The following HDAC4 variants were observed in gnomAD, a reference collection of about 807,000 sequenced individuals.
HDAC4 encodes the protein histone deacetylase 4.
HDAC4 carries 16 observed loss-of-function variants against 135.1 expected under a neutral mutation model. That is an observed-to-expected ratio of 0.12 (90% CI 0.08 to 0.18). The LOEUF (loss-of-function observed/expected upper bound fraction) is 0.18. Among genes scored for constraint, HDAC4 ranks in the 10% least tolerant of loss-of-function variants. HDAC4 has a pLI of 1.00. For synonymous variants in HDAC4, 685 were observed against 653.4 expected (o/e 1.05, Z -0.74); for missense variants, 1,143 against 1,511.8 (o/e 0.76, Z 4.05).
intron 24 of HDAC4, among the ~76,000 whole-genome samples, chr2:239,056,050 C>G (rs576672607): frequency 1.3e-5 from 2 of 152,220 alleles, no homozygotes; most frequent in South Asian, 2.1e-4. Context: ...TGAGAATTTG[C>G]CTGCTTCTAG....
At chr2:239,253,129 AC>A (rs2124990975) in intron 2 of HDAC4, among the ~76,000 whole-genome samples, 1 of 152,380 alleles carries the variant, frequency 6.6e-6, no homozygotes, top group South Asian at 2.1e-4. Flanking sequence ...AGTCTCGGGA[AC>A]AAATCCACTT....
intron 22 of HDAC4, among the ~76,000 whole-genome samples, chr2:239,073,200 T>G (rs1247007940): frequency 6.6e-6 from 1 of 152,222 alleles, no homozygotes; most frequent in East Asian, 1.9e-4. Context: ...CTGGGTGGCT[T>G]CTGAGCAGTC....
chr2:239,179,369 G>A (rs2153009521), intron 4 of HDAC4, among the ~76,000 whole-genome samples: 1 of 152,334 alleles, frequency 6.6e-6, no homozygotes, highest in African/African-American at 2.4e-5. Context: ...GCAGGCTAGG[G>A]AGCATTCCCG....
rs2043161300 is a variant in HDAC4 at position 239,167,081 on chromosome 2, C to T, written c.491-3158G>A. 2.0e-5 allele frequency among the ~76,000 whole-genome samples: 3 copies of T among 151,402 alleles called. No individual in the cohort carries two copies. The highest frequency in any genetic ancestry group is 4.4e-5 in the Non-Finnish European group (3 of 67,922). ...TGCCCTGCAGGTCCCCCTACATGGC[C>T]GTCCTTGAGTGGAGGCAGCAGAGCA... On this transcript the variant is annotated intron_variant, in intron 5 of 26. Transcript: ENST00000543185. This position sits in a 1 kb window ranked among gnomAD's most constrained non-coding sequence, Gnocchi z 4.1.
At chr2:239,187,570 G>A (rs1257865306) in intron 4 of HDAC4, among the ~76,000 whole-genome samples, 1 of 152,182 alleles carries the variant, frequency 6.6e-6, no homozygotes, top group Non-Finnish European at 1.5e-5. Context: ...TCTTCTCCCA[G>A]GCCAGAAAAA....
At chr2:239,099,081 C>T (rs1424342445) in intron 16 of HDAC4, among the ~76,000 whole-genome samples, 2 of 152,204 alleles carry the variant, frequency 1.3e-5, no homozygotes, top group African/African-American at 4.8e-5. Context: ...AGGGGTCTTC[C>T]TTTTTGATCA....
chr2:239,063,528 G>A (rs1228216589), intron 24 of HDAC4, among the ~76,000 whole-genome samples: 2 of 152,204 alleles, frequency 1.3e-5, no homozygotes, highest in African/African-American at 4.8e-5. Flanking sequence ...AGGCAGCACT[G>A]TCAGCTGTCG....
rs563088626 is a variant in HDAC4, at chr2:239,049,048, C to T, written c.*4049G>A. ...AAAACAAAATTCCTCCAAATCAACT[C>T]GAGAGAGACAGGCAGTTCACTGTGA... On this transcript the variant is annotated 3_prime_UTR_variant, in exon 27 of 27. Coordinates refer to ENST00000543185, the MANE Select transcript of HDAC4 (RefSeq NM_001378414.1). 4 of 152,346 alleles carry T rather than the reference C, an allele frequency of 2.6e-5. No individual in the cohort carries two copies. In the South Asian group the frequency reaches 6.2e-4, roughly 24 times the overall value. The allele number at this position is 152,346 out of a possible 1,614,324, so 9.4% of individuals were successfully genotyped here.
rs566185552 is a variant in HDAC4, at chr2:239,142,346, C to T, written c.865+2237G>A. On this transcript the variant is annotated intron_variant, in intron 8 of 26. Transcript: ENST00000543185. ...TCCACTCCTCCGTGTGGGACCACCC[C>T]GCCTAGAACTCCTAATACCTGTCTT... Among the ~76,000 whole-genome samples the T allele has an allele frequency of 1.8e-3, 274 of 152,294 alleles. 2 individuals are homozygous for T. Among genetic ancestry groups the T allele is most frequent in the African/African-American group, 6.3e-3 (260 of 41,554 alleles).
intron 2 of HDAC4, among the ~76,000 whole-genome samples, chr2:239,314,825 C>G (rs1407022626): frequency 6.6e-6 from 1 of 152,130 alleles, no homozygotes; most frequent in African/African-American, 2.4e-5. Flanking sequence ...ATTCTAAGCT[C>G]CCAACCATCT....
chr2:239,081,286 G>C, intron 21 of HDAC4, 94 bp from the exon 22 acceptor site: 1 of 992,954 alleles, frequency 1.0e-6, no homozygotes, highest in South Asian at 1.4e-5. Flanking sequence ...GATGGGCTCG[G>C]CCTTGGTGGG....
chr2:239,107,199 T>C (rs2038222395), intron 15 of HDAC4, among the ~76,000 whole-genome samples: 1 of 152,234 alleles, frequency 6.6e-6, no homozygotes, highest in African/African-American at 2.4e-5. Context: ...GAGCACCAGC[T>C]GGGACAGCCT....
intron 23 of HDAC4, among the ~76,000 whole-genome samples, chr2:239,067,509 G>C (rs1013677559): frequency 1.3e-5 from 2 of 152,266 alleles, no homozygotes; most frequent in Admixed American, 1.3e-4. Context: ...CCATCTGATG[G>C]AAACAGTGAC....
chr2:239,290,692 A>ACACACACGCACG (rs2051424645), intron 2 of HDAC4, among the ~76,000 whole-genome samples: 1 of 151,946 alleles, frequency 6.6e-6, no homozygotes, highest in South Asian at 2.1e-4. Context: ...ACGCGCATGC[A>ACACACACGCACG]CACACACGCA....
intron 1 of HDAC4, among the ~76,000 whole-genome samples, chr2:239,374,135 C>A (rs549202140): frequency 1.3e-5 from 2 of 152,322 alleles, no homozygotes; most frequent in South Asian, 4.1e-4. Context: ...GGATGCAAAG[C>A]AGAGGCGATC....
chr2:239,140,690 A>G (rs1380755105), intron 8 of HDAC4, among the ~76,000 whole-genome samples: 2 of 152,130 alleles, frequency 1.3e-5, no homozygotes, highest in Non-Finnish European at 2.9e-5. Flanking sequence ...GCCCCAACCT[A>G]TATGCGCAGC....
intron 2 of HDAC4, among the ~76,000 whole-genome samples, chr2:239,344,662 G>A (rs1200262931): frequency 6.6e-6 from 1 of 152,140 alleles, no homozygotes; most frequent in Non-Finnish European, 1.5e-5. Flanking sequence ...GAGAGCTGCA[G>A]ACGCCCCGTG....
intron 2 of HDAC4, among the ~76,000 whole-genome samples, chr2:239,255,907 T>C (rs1324960695): frequency 5.9e-5 from 9 of 152,236 alleles, no homozygotes; most frequent in Non-Finnish European, 1.2e-4. Flanking sequence ...AAGCAATTCT[T>C]TGTGAGAAAT....
intron 17 of HDAC4, chr2:239,094,035 T>C: frequency 6.1e-6 from 6 of 985,458 alleles, no homozygotes; most frequent in Non-Finnish European, 7.2e-6. Flanking sequence ...TTCATTTCCA[T>C]AACAGAATCC....
Sources: allele counts gnomAD v4.1 joint callset (sites outside exome capture counted in the v4.1 genomes callset), GRCh38; gene constraint gnomAD v4.1.1; non-coding constraint Gnocchi (gnomAD v3.1); transcripts MANE v1.5; gene names NCBI Gene and HGNC (gene_info 2026-07-23, HGNC 2026-07-21).